PPHLN1: variants seen among roughly 807,000 people sequenced by gnomAD.
PPHLN1 encodes the protein periphilin-1.
Under a neutral mutation model 51.3 loss-of-function variants are expected in PPHLN1, and 29 were observed. The ratio of observed to expected loss-of-function variants is 0.57; its 90% CI spans 0.42 to 0.77. The LOEUF (loss-of-function observed/expected upper bound fraction) is 0.77, where lower values mean the gene tolerates loss of function less well. Among genes scored for constraint, PPHLN1 ranks in the 30% least tolerant of loss-of-function variants. The pLI is 0.00. For missense variants in PPHLN1, 436 were observed against 438.4 expected (o/e 0.99, Z 0.05); for synonymous variants, 147 against 147.8 (o/e 0.99, Z 0.04).
In PPHLN1 at chr12:42,406,378, CCT is replaced by C. The variant is rs2079311669; in HGVS notation, c.909+7387_909+7388del. The stretch of plus-strand genomic sequence containing the variant: ...TACAGGCGTGAGCCACCGTGCCCGG[CCT>C]CTGTTTTTGAACTTTATACAAATAG... On this transcript the variant is annotated intron_variant, in intron 9 of 9. Coordinates refer to ENST00000358314, the MANE Select transcript of PPHLN1 (RefSeq NM_201439.2). 3.3e-5 allele frequency among the ~76,000 whole-genome samples: 5 copies of C among 152,268 alleles called. No homozygotes were observed. In the South Asian group the frequency reaches 1.0e-3, roughly 32 times the overall value.
chr12:42,384,905 C>G (rs2077064649), intron 5 of PPHLN1, 35 bp from the exon 6 acceptor site: 1 of 1,547,938 alleles, frequency 6.5e-7, no homozygotes. Context: ...CACAGAGGTG[C>G]TGCTGTTAAT....
At chr12:42,339,725 C>G (rs2071194129) in intron 2 of PPHLN1, among the ~76,000 whole-genome samples, 1 of 152,136 alleles carries the variant, frequency 6.6e-6, no homozygotes, top group Non-Finnish European at 1.5e-5. Flanking sequence ...ATATCAAAAG[C>G]TACTGGTGGT....
At chr12:42,404,652 CTTTTG>C (rs1441293085) in intron 9 of PPHLN1, among the ~76,000 whole-genome samples, 2 of 152,346 alleles carry the variant, frequency 1.3e-5, no homozygotes, top group African/African-American at 4.8e-5. Context: ...CTCTTCACTT[CTTTTG>C]TTTTGTTGTT....
downstream of PPHLN1, chr12:42,442,990 G>A: frequency 4.4e-6 from 2 of 455,814 alleles, no homozygotes; most frequent in South Asian, 6.3e-5. Flanking sequence ...AAAGTGGGGA[G>A]AAATCTTAAA....
downstream of PPHLN1, chr12:42,444,778 T>A: frequency 4.8e-6 from 2 of 419,478 alleles, no homozygotes; most frequent in Non-Finnish European, 8.5e-6. Flanking sequence ...GCTGACAAAC[T>A]ACTTCAGTTC....
downstream of PPHLN1, chr12:42,442,651 A>C: frequency 1.9e-6 from 3 of 1,614,124 alleles, no homozygotes; most frequent in Non-Finnish European, 2.5e-6. Flanking sequence ...AGTCTGCAGG[A>C]CAGACTTGGC....
At position 42,374,607 on chromosome 12, in the gene PPHLN1, ATTTTTTTTTT is replaced by A. The variant is rs35683626; in HGVS notation, c.300-245_300-236del. 1.9e-5 allele frequency: 3 copies of A among 159,802 alleles called. No individual in the cohort carries two copies. In the South Asian group the frequency reaches 2.8e-4, roughly 15 times the overall value. The allele number at this position is 159,802 out of a possible 1,614,324, so 9.9% of individuals were successfully genotyped here. A position where few individuals can be genotyped will look rare whatever the true frequency, so the allele number is the denominator to read the frequency against. ...AGGCACCTGCCACCACGCCCAGCTA[ATTTTTTTTTT>A]TTTTTTTTTTGTATTTTTAGTAGAG... On this transcript the variant is annotated intron_variant, in intron 4 of 9. Coordinates refer to ENST00000358314, the MANE Select transcript of PPHLN1 (RefSeq NM_201439.2).
At chr12:42,345,486 C>T (rs2138031546) in intron 2 of PPHLN1, among the ~76,000 whole-genome samples, 1 of 151,778 alleles carries the variant, frequency 6.6e-6, no homozygotes, top group East Asian at 1.9e-4. Context: ...TTAATACTAA[C>T]ACCATTAATA....
intron 9 of PPHLN1, among the ~76,000 whole-genome samples, chr12:42,425,020 TTTTA>T (rs1175459795): frequency 2.0e-5 from 3 of 150,524 alleles, no homozygotes; most frequent in Non-Finnish European, 4.4e-5. Context: ...TTCCTCAGGT[TTTTA>T]TTTTTATTTT....
At chr12:42,388,790 A>G (rs2139088472) in intron 7 of PPHLN1, among the ~76,000 whole-genome samples, 1 of 152,338 alleles carries the variant, frequency 6.6e-6, no homozygotes, top group Middle Eastern at 3.4e-3. Flanking sequence ...TAAAAATTAA[A>G]AATTAGCCAG....
At chr12:42,430,174 C>T (rs2081909215) in intron 9 of PPHLN1, among the ~76,000 whole-genome samples, 1 of 152,124 alleles carries the variant, frequency 6.6e-6, no homozygotes, top group South Asian at 2.1e-4. Flanking sequence ...GGTTGAGCCG[C>T]TCACCAAAGG....
chr12:42,367,886 C>G (rs1011862324), intron 4 of PPHLN1, among the ~76,000 whole-genome samples: 32 of 152,112 alleles, frequency 2.1e-4, no homozygotes, highest in African/African-American at 7.2e-4. Context: ...AGGTGTGCAC[C>G]ACCATGCCCG....
intron 8 of PPHLN1, 48 bp from the exon 9 acceptor site, chr12:42,398,806 T>C (rs1275587665): frequency 6.9e-6 from 11 of 1,585,110 alleles, no homozygotes; most frequent in Middle Eastern, 1.7e-4. Flanking sequence ...TCTGAACTGC[T>C]CTATGTTTTT....
intron 2 of PPHLN1, among the ~76,000 whole-genome samples, chr12:42,338,542 G>C (rs1434507510): frequency 1.3e-5 from 2 of 152,192 alleles, no homozygotes; most frequent in African/African-American, 2.4e-5. Context: ...CTTAGGAAAG[G>C]CTTTGGTATG....
chr12:42,395,076 A>T (rs2078077842), intron 8 of PPHLN1, among the ~76,000 whole-genome samples: 1 of 152,102 alleles, frequency 6.6e-6, no homozygotes. Flanking sequence ...TCTCAAATTT[A>T]AATATTCTGC....
intron 9 of PPHLN1, chr12:42,399,204 C>G: frequency 8.3e-7 from 1 of 1,201,292 alleles, no homozygotes; most frequent in East Asian, 3.3e-5. Flanking sequence ...AAATAAAAAA[C>G]AGACTTCTTT....
At chr12:42,393,460 A>C in intron 7 of PPHLN1, 110 bp from the exon 8 acceptor site, 2 of 1,073,836 alleles carry the variant, frequency 1.9e-6, no homozygotes, top group Non-Finnish European at 2.6e-6. Context: ...TGTTCTCCAT[A>C]GAAATTTGGA....
chr12:42,361,738 T>C (rs1030954613), intron 4 of PPHLN1: 1 of 152,244 alleles, frequency 6.6e-6, no homozygotes, highest in Non-Finnish European at 1.5e-5. Flanking sequence ...ATTAATTCTA[T>C]TGACAGTGTT....
chr12:42,425,018 G>GTTTTTA (rs1158625433), intron 9 of PPHLN1, among the ~76,000 whole-genome samples: 1 of 149,946 alleles, frequency 6.7e-6, no homozygotes, highest in Non-Finnish European at 1.5e-5. Flanking sequence ...TTTTCCTCAG[G>GTTTTTA]TTTTTATTTT....
Sources: gnomAD v4.1 joint callset for allele counts (sites outside exome capture counted in the v4.1 genomes callset) on GRCh38, gnomAD v4.1.1 for gene constraint, MANE v1.5 for transcripts, NCBI Gene and HGNC (gene_info 2026-07-23, HGNC 2026-07-21) for gene names.